Variants in LRRIQ1 observed in about 807,000 individuals in gnomAD.
The protein encoded by LRRIQ1 is leucine-rich repeat- and IQ domain-containing protein 1.
LRRIQ1 carries 210 observed loss-of-function variants against 211.9 expected under a neutral mutation model. That is an observed-to-expected ratio of 0.99 (90% CI 0.89 to 1.11). The LOEUF (loss-of-function observed/expected upper bound fraction) is 1.11, where lower values mean the gene tolerates loss of function less well. Among genes scored for constraint, LRRIQ1 ranks in the 50% most tolerant of loss-of-function variants. The pLI, the probability that LRRIQ1 is intolerant of heterozygous loss-of-function variation, is 0.00. For missense variants in LRRIQ1, 2,136 were observed against 1,939.5 expected, an observed-to-expected ratio of 1.10 and a Z score of -1.90; for synonymous variants, 699 against 650.1, an observed-to-expected ratio of 1.08 and a Z score of -1.14.
At chr12:85,127,442 A>C (rs1888445835) in intron 17 of LRRIQ1, among the ~76,000 whole-genome samples, 1 of 152,086 alleles carries the variant, frequency 6.6e-6, no homozygotes, top group Non-Finnish European at 1.5e-5. Context: ...ATTTCTCCAC[A>C]AGGAATAGGA....
At chr12:85,248,543 A>G (rs1438352075), downstream of LRRIQ1, among the ~76,000 whole-genome samples, 2 of 151,738 alleles carry the variant, frequency 1.3e-5, no homozygotes, top group African/African-American at 4.8e-5. Context: ...ACATTTTCAC[A>G]GTTAGTTGGG....
intron 24 of LRRIQ1, among the ~76,000 whole-genome samples, chr12:85,184,684 G>A (rs932103686): frequency 6.6e-6 from 1 of 151,924 alleles, no homozygotes; most frequent in Non-Finnish European, 1.5e-5. Context: ...ATCTGAAAAT[G>A]TAATTGACTA....
At chr12:85,266,542 T>C (rs1394007483), downstream of LRRIQ1, among the ~76,000 whole-genome samples, 1 of 152,112 alleles carries the variant, frequency 6.6e-6, no homozygotes, top group Non-Finnish European at 1.5e-5. Flanking sequence ...AAAGTTAAAC[T>C]GAAACGCTTC....
chr12:85,210,776 ATGTT>A (rs5799724), intron 24 of LRRIQ1, among the ~76,000 whole-genome samples: 33,920 of 151,924 alleles, frequency 0.22, 8,996 homozygotes, highest in African/African-American at 0.64. Flanking sequence ...TTTTTAAAAA[ATGTT>A]TGTTTGTGTA....
intron 25 of LRRIQ1, among the ~76,000 whole-genome samples, chr12:85,231,786 G>A (rs746148398): frequency 2.6e-5 from 4 of 152,108 alleles, no homozygotes; most frequent in Non-Finnish European, 4.4e-5. Context: ...ATAGCACCAA[G>A]GCAATCATGA....
At chr12:85,229,105 A>G (rs1346780275) in intron 24 of LRRIQ1, among the ~76,000 whole-genome samples, 2 of 152,192 alleles carry the variant, frequency 1.3e-5, no homozygotes, top group East Asian at 3.8e-4. Flanking sequence ...AAAAACACTC[A>G]ATATAATTTA....
intron 19 of LRRIQ1, among the ~76,000 whole-genome samples, chr12:85,149,207 C>T (rs949538238): frequency 2.0e-5 from 3 of 151,696 alleles, no homozygotes; most frequent in African/African-American, 7.3e-5. Context: ...TTGGCATTAT[C>T]GTCATGAAGT....
At chr12:85,156,979 TC>T (rs1890585686) in intron 23 of LRRIQ1, among the ~76,000 whole-genome samples, 1 of 151,906 alleles carries the variant, frequency 6.6e-6, no homozygotes, top group African/African-American at 2.4e-5. Flanking sequence ...CTTAGAGCGC[TC>T]AGTAGCAAGC....
At chr12:85,123,061 A>T (rs1286144479) in intron 16 of LRRIQ1, among the ~76,000 whole-genome samples, 1 of 152,048 alleles carries the variant, frequency 6.6e-6, no homozygotes, top group Non-Finnish European at 1.5e-5. Context: ...GGTGAGTTCA[A>T]CAAGTAACCA....
intron 24 of LRRIQ1, among the ~76,000 whole-genome samples, chr12:85,167,338 T>C (rs924700298): frequency 1.3e-5 from 2 of 151,974 alleles, no homozygotes; most frequent in African/African-American, 4.8e-5. Flanking sequence ...GATCACAGAG[T>C]GAAGCCCCAC....
At chr12:85,247,588 G>A (rs1895766849), downstream of LRRIQ1, among the ~76,000 whole-genome samples, 1 of 151,442 alleles carries the variant, frequency 6.6e-6, no homozygotes, top group Non-Finnish European at 1.5e-5. Flanking sequence ...TGTAAAATGG[G>A]AATAGTAATG....
intron 24 of LRRIQ1, among the ~76,000 whole-genome samples, chr12:85,166,923 C>A (rs1006719003): frequency 1.3e-5 from 2 of 152,148 alleles, no homozygotes; most frequent in African/African-American, 4.8e-5. Flanking sequence ...TTCTTTAATA[C>A]CCCTAGCCCT....
intron 1 of LRRIQ1, among the ~76,000 whole-genome samples, chr12:85,258,654 A>G (rs1052366729): frequency 6.6e-6 from 1 of 151,992 alleles, no homozygotes; most frequent in Non-Finnish European, 1.5e-5. Flanking sequence ...ACTCATTCAC[A>G]GCACTTAAAT....
Position 85,111,968 on chromosome 12 carries a change from A to T in LRRIQ1, c.3377+5353A>T, listed in dbSNP as rs73182406. On this transcript the variant is annotated intron_variant, in intron 15 of 26. Transcript: ENST00000393217. ...TATACACACACACACACACACACAC[A>T]CTCTCTCTCTCAATTCTTTCATTTT... 7.3e-3 allele frequency among the ~76,000 whole-genome samples: 1,094 copies of T among 149,668 alleles called. 11 individuals carry two copies. The highest frequency in any genetic ancestry group is 0.021 in the African/African-American group (859 of 40,538).
At chr12:85,102,944 C>CAAAA (rs761217598) in intron 13 of LRRIQ1, among the ~76,000 whole-genome samples, 7 of 87,726 alleles carry the variant, frequency 8.0e-5, no homozygotes, top group Admixed American at 1.3e-4. Context: ...CTAATTGTGG[C>CAAAA]AAAAAAAAAA....
At chr12:85,270,119 A>T in the LRRIQ1 span, among the ~76,000 whole-genome samples, 1 of 152,072 alleles carries the variant, frequency 6.6e-6, no homozygotes, top group Non-Finnish European at 1.5e-5. Context: ...GGAGGATTAG[A>T]GTTTCACCAT....
intron 19 of LRRIQ1, among the ~76,000 whole-genome samples, chr12:85,140,866 A>G (rs767058478): frequency 2.6e-5 from 4 of 151,322 alleles, no homozygotes; most frequent in Admixed American, 1.3e-4. Context: ...ACTTCTTAAT[A>G]CATCTAACAT....
intron 24 of LRRIQ1, among the ~76,000 whole-genome samples, chr12:85,162,076 GATAA>G (rs1890917933): frequency 6.6e-6 from 1 of 151,776 alleles, no homozygotes; most frequent in African/African-American, 2.4e-5. Flanking sequence ...TACATAGAAA[GATAA>G]ATAAAACAAG....
At chr12:85,193,075 T>G (rs1188926733) in intron 24 of LRRIQ1, among the ~76,000 whole-genome samples, 1 of 117,926 alleles carries the variant, frequency 8.5e-6, no homozygotes, top group African/African-American at 3.3e-5. Context: ...ATATTATATT[T>G]TATTATATAT....
Sources: allele counts gnomAD v4.1 joint callset (sites outside exome capture counted in the v4.1 genomes callset), GRCh38; gene constraint gnomAD v4.1.1; transcripts MANE v1.5; gene names NCBI Gene and HGNC (gene_info 2026-07-23, HGNC 2026-07-21).